The following VGLL4 variants were observed in gnomAD, a reference collection of about 807,000 sequenced individuals.
The protein encoded by VGLL4 is vestigial like family member 4.
In VGLL4, 7 loss-of-function variants were observed where a neutral mutation model predicts 21.0. The observed-to-expected ratio is 0.33, with a 90% CI of 0.19 to 0.63. The LOEUF (loss-of-function observed/expected upper bound fraction) is 0.63, where lower values mean the gene tolerates loss of function less well. VGLL4 is among the 20% of genes least tolerant of loss of function. The pLI is 0.78. For missense variants in VGLL4, 394 were observed against 425.7 expected, an observed-to-expected ratio of 0.93 and a Z score of 0.66; for synonymous variants, 222 against 173.2, an observed-to-expected ratio of 1.28 and a Z score of -2.21.
intron 1 of VGLL4, among the ~76,000 whole-genome samples, chr3:11,634,915 G>C (rs1575478161): frequency 6.6e-6 from 1 of 152,134 alleles, no homozygotes; most frequent in Admixed American, 6.5e-5. Context: ...CAAGCAATCT[G>C]CCTGCCTCAG....
At chr3:11,702,351 T>C (rs1329643794) in intron 2 of VGLL4, among the ~76,000 whole-genome samples, 1 of 151,064 alleles carries the variant, frequency 6.6e-6, no homozygotes, top group Non-Finnish European at 1.5e-5. Flanking sequence ...AGCTCCCGTG[T>C]GTAATCCCAG....
intron 2 of VGLL4, among the ~76,000 whole-genome samples, chr3:11,688,186 A>T (rs1033777262): frequency 6.6e-6 from 1 of 152,302 alleles, no homozygotes; most frequent in African/African-American, 2.4e-5. Flanking sequence ...TATAATTGCT[A>T]GCCTGAATTT....
At chr3:11,659,408 C>A (rs1484010055) in intron 2 of VGLL4, among the ~76,000 whole-genome samples, 8 of 143,352 alleles carry the variant, frequency 5.6e-5, no homozygotes, top group Non-Finnish European at 1.2e-4. Context: ...CTCGGCTCAC[C>A]GCAACCTCCA....
At chr3:11,613,970 C>A (rs1327650106) in intron 1 of VGLL4, among the ~76,000 whole-genome samples, 1 of 152,218 alleles carries the variant, frequency 6.6e-6, no homozygotes, top group Admixed American at 6.5e-5. Flanking sequence ...TGCTCCGAAT[C>A]TGCTCCACCA....
At chr3:11,561,207 G>A (rs897399526) in intron 3 of VGLL4, among the ~76,000 whole-genome samples, 4 of 152,126 alleles carry the variant, frequency 2.6e-5, no homozygotes, top group African/African-American at 9.7e-5. Flanking sequence ...CCTGACCCAC[G>A]CAAATGTGGG....
intron 2 of VGLL4, 136 bp downstream of exon 2, chr3:11,601,697 T>C: frequency 9.0e-7 from 1 of 1,113,134 alleles, no homozygotes; most frequent in South Asian, 1.4e-5. Context: ...AGATGAATAC[T>C]ATTTTTCTTT....
chr3:11,573,312 GAAGGAAGAAAGAAAGAAAGAAAGA>G (rs2073907463), intron 2 of VGLL4, among the ~76,000 whole-genome samples: 102 of 9,834 alleles, frequency 0.01, 5 homozygotes, highest in East Asian at 0.049. Flanking sequence ...AGAAAGGAAG[GAAGGAAGAAAGAAAGAAAGAAAGA>G]AAGAAAGAAA....
chr3:11,635,392 T>C (rs2075566510), intron 1 of VGLL4, among the ~76,000 whole-genome samples: 1 of 152,192 alleles, frequency 6.6e-6, no homozygotes, highest in African/African-American at 2.4e-5. Context: ...AACAGAACAA[T>C]CTGCCTTCAT....
intron 2 of VGLL4, among the ~76,000 whole-genome samples, chr3:11,660,432 A>G (rs2076022017): frequency 6.6e-6 from 1 of 152,188 alleles, no homozygotes; most frequent in Non-Finnish European, 1.5e-5. Context: ...TCCTGAGGGC[A>G]AAGGCCTTTG....
At chr3:11,617,428 C>A (rs1451291598) in intron 1 of VGLL4, among the ~76,000 whole-genome samples, 4 of 152,194 alleles carry the variant, frequency 2.6e-5, no homozygotes, top group African/African-American at 4.8e-5. Context: ...ACTGACACAG[C>A]TACAGGGAGG....
chr3:11,582,414 A>T, intron 2 of VGLL4: 1 of 1,532,994 alleles, frequency 6.5e-7, no homozygotes, highest in Non-Finnish European at 8.8e-7. Context: ...GTCAGAATAA[A>T]AGTCCTCCCT....
intron 2 of VGLL4, among the ~76,000 whole-genome samples, chr3:11,578,862 G>A (rs1362066777): frequency 6.9e-6 from 1 of 144,648 alleles, no homozygotes; most frequent in African/African-American, 2.6e-5. Context: ...CCATTCTCCT[G>A]CCTCAGCCTC....
At chr3:11,705,302 G>A (rs2125407487) in intron 1 of VGLL4, among the ~76,000 whole-genome samples, 1 of 152,334 alleles carries the variant, frequency 6.6e-6, no homozygotes, top group South Asian at 2.1e-4. Context: ...GGAGGGCAGC[G>A]AGGGGCACTG....
chr3:11,682,139 CACG>C (rs1172070359), intron 2 of VGLL4, among the ~76,000 whole-genome samples: 1 of 152,040 alleles, frequency 6.6e-6, no homozygotes, highest in African/African-American at 2.4e-5. Flanking sequence ...TGCAGTGGCT[CACG>C]CCTGTAATCC....
At chr3:11,623,006 A>T (rs1324576625) in intron 1 of VGLL4, among the ~76,000 whole-genome samples, 2 of 152,214 alleles carry the variant, frequency 1.3e-5, no homozygotes, top group Non-Finnish European at 2.9e-5. Flanking sequence ...TAAATAGCTG[A>T]GGTAGCAACC....
intron 2 of VGLL4, among the ~76,000 whole-genome samples, chr3:11,595,634 C>T (rs957498731): frequency 6.6e-6 from 1 of 152,150 alleles, no homozygotes; most frequent in Non-Finnish European, 1.5e-5. Context: ...GGCACATATA[C>T]ATCATGGAAT....
At chr3:11,664,567 G>A (rs1352282309) in intron 2 of VGLL4, among the ~76,000 whole-genome samples, 1 of 152,210 alleles carries the variant, frequency 6.6e-6, no homozygotes, top group Non-Finnish European at 1.5e-5. Flanking sequence ...GGCAGGGACG[G>A]TGGCTGAGAG....
chr3:11,625,705 T>TA (rs2075339893), intron 1 of VGLL4, among the ~76,000 whole-genome samples: 1 of 128,580 alleles, frequency 7.8e-6, no homozygotes. Flanking sequence ...CTAGTATTGC[T>TA]TCTTTAAAAA....
At chr3:11,669,248 C>T (rs1031153643) in intron 2 of VGLL4, among the ~76,000 whole-genome samples, 9 of 152,162 alleles carry the variant, frequency 5.9e-5, no homozygotes, top group African/African-American at 9.6e-5. Flanking sequence ...CCTCTAAAGC[C>T]GGTGTGGTGG....
Sources: gnomAD v4.1 joint callset for allele counts (sites outside exome capture counted in the v4.1 genomes callset) on GRCh38, gnomAD v4.1.1 for gene constraint, MANE v1.5 for transcripts, NCBI Gene and HGNC (gene_info 2026-07-23, HGNC 2026-07-21) for gene names.